The following MEIS2 variants were observed in gnomAD, a reference collection of about 807,000 sequenced individuals.
The protein encoded by MEIS2 is homeobox protein Meis2.
Under a neutral mutation model 58.6 loss-of-function variants are expected in MEIS2, and 9 were observed. That is an observed-to-expected ratio of 0.15 (90% CI 0.09 to 0.27). The LOEUF (loss-of-function observed/expected upper bound fraction) is 0.27, where lower values mean the gene tolerates loss of function less well. Ranked by LOEUF, MEIS2 falls within the 10% of genes least tolerant of loss-of-function variation. MEIS2 has a pLI of 1.00. For synonymous variants in MEIS2, 221 were observed against 228.4 expected, an observed-to-expected ratio of 0.97 and a Z score of 0.29; for missense variants, 427 against 635.0, an observed-to-expected ratio of 0.67 and a Z score of 3.52.
intron 7 of MEIS2, among the ~76,000 whole-genome samples, chr15:37,083,067 A>G (rs1892442808): frequency 6.6e-6 from 1 of 152,186 alleles, no homozygotes; most frequent in African/African-American, 2.4e-5. Flanking sequence ...TTAGCCATAG[A>G]TGAGTCATTC....
At chr15:37,095,331 G>A (rs1178160147) in intron 4 of MEIS2, among the ~76,000 whole-genome samples, 1 of 152,152 alleles carries the variant, frequency 6.6e-6, no homozygotes, top group African/African-American at 2.4e-5. Context: ...TCGCGCTCTC[G>A]GCGCTCGGTC....
intron 9 of MEIS2, among the ~76,000 whole-genome samples, chr15:36,944,950 A>G (rs2058509484): frequency 6.6e-6 from 1 of 152,114 alleles, no homozygotes; most frequent in Non-Finnish European, 1.5e-5. Flanking sequence ...CCACTGGCCA[A>G]TTATTCCATA....
chr15:36,940,573 A>G (rs2058339378), intron 9 of MEIS2, among the ~76,000 whole-genome samples: 1 of 152,158 alleles, frequency 6.6e-6, no homozygotes, highest in Admixed American at 6.5e-5. Context: ...GAGTGGAACA[A>G]TGACTTCTGG....
At chr15:36,991,774 T>C (rs923009025) in intron 8 of MEIS2, among the ~76,000 whole-genome samples, 11 of 108,234 alleles carry the variant, frequency 1.0e-4, no homozygotes, top group African/African-American at 3.8e-4. Context: ...TAATTTTCTT[T>C]TTTTTTTTCT....
intron 7 of MEIS2, among the ~76,000 whole-genome samples, chr15:37,057,569 A>G (rs1596033355): frequency 6.6e-6 from 1 of 152,170 alleles, no homozygotes; most frequent in Non-Finnish European, 1.5e-5. Flanking sequence ...CCTGAGCAGT[A>G]AAGGGCTCAA....
chr15:37,078,410 T>C (rs979967310), intron 7 of MEIS2, among the ~76,000 whole-genome samples: 1 of 149,318 alleles, frequency 6.7e-6, no homozygotes, highest in African/African-American at 2.5e-5. Flanking sequence ...AATTACCAGA[T>C]GTGAAAGACA....
chr15:36,970,383 G>A (rs561806625), intron 8 of MEIS2, among the ~76,000 whole-genome samples: 6 of 147,500 alleles, frequency 4.1e-5, no homozygotes, highest in African/African-American at 7.6e-5. Flanking sequence ...CAGCCTGGGC[G>A]ACAGAGCAAG....
At chr15:36,951,656 T>C (rs1296416217) in intron 8 of MEIS2, among the ~76,000 whole-genome samples, 1 of 152,188 alleles carries the variant, frequency 6.6e-6, no homozygotes, top group Non-Finnish European at 1.5e-5. Context: ...ACTAGATTTG[T>C]ATTAATATAG....
At chr15:36,919,042 T>C (rs2057391340) in intron 9 of MEIS2, among the ~76,000 whole-genome samples, 1 of 151,998 alleles carries the variant, frequency 6.6e-6, no homozygotes, top group Non-Finnish European at 1.5e-5. Flanking sequence ...GGAGGATTGC[T>C]TGAGTTTAGG....
intron 1 of MEIS2, chr15:37,098,768 A>G: frequency 2.2e-6 from 1 of 453,332 alleles, no homozygotes; most frequent in Non-Finnish European, 2.9e-6. Flanking sequence ...TCAAAAGGCG[A>G]AATGAAACAA....
At chr15:37,020,674 CTTT>C (rs556555396) in intron 8 of MEIS2, among the ~76,000 whole-genome samples, 1 of 138,720 alleles carries the variant, frequency 7.2e-6, no homozygotes, top group Non-Finnish European at 1.6e-5. Context: ...GCATTCTGGT[CTTT>C]TTTTTTTTTT....
At chr15:36,994,261 C>A (rs960739964) in intron 8 of MEIS2, among the ~76,000 whole-genome samples, 3 of 152,096 alleles carry the variant, frequency 2.0e-5, no homozygotes, top group African/African-American at 7.2e-5. Flanking sequence ...CTTCTACCCC[C>A]ATGATGAAAT....
At chr15:37,045,706 C>A (rs991535342) in intron 7 of MEIS2, among the ~76,000 whole-genome samples, 2 of 152,156 alleles carry the variant, frequency 1.3e-5, no homozygotes, top group Non-Finnish European at 2.9e-5. Context: ...CTTTTACTCT[C>A]CTGCTGTGCT....
intron 8 of MEIS2, among the ~76,000 whole-genome samples, chr15:37,034,185 G>A (rs984818043): frequency 6.6e-6 from 1 of 152,174 alleles, no homozygotes; most frequent in Non-Finnish European, 1.5e-5. Context: ...CTGACTAAAT[G>A]TCCTTGAGCA....
At chr15:36,968,589 C>A (rs2059430878) in intron 8 of MEIS2, among the ~76,000 whole-genome samples, 1 of 152,154 alleles carries the variant, frequency 6.6e-6, no homozygotes, top group Non-Finnish European at 1.5e-5. Context: ...CCCCTTGACA[C>A]TAAAAGTCTT....
At chr15:36,960,106 C>G (rs186682100) in intron 8 of MEIS2, among the ~76,000 whole-genome samples, 111 of 152,240 alleles carry the variant, frequency 7.3e-4, no homozygotes, top group African/African-American at 2.4e-3. Context: ...TCAGTATGTC[C>G]TGTTCAATTT....
chr15:37,015,485 A>AACAC (rs74278193), intron 8 of MEIS2, among the ~76,000 whole-genome samples: 60,032 of 151,020 alleles, frequency 0.4, 12,147 homozygotes, highest in Non-Finnish European at 0.43. Context: ...CACACACACA[A>AACAC]ACACACTTCT....
In MEIS2 at chr15:37,100,510, A is replaced by G. The variant is rs1894973460; in HGVS notation, c.-1044T>C. ...CCGGGAGTGGGGAGCGGGAGCGAGG[A>G]GGAGCGCGCCGCGCCGAGCCTCTGA... On this transcript the variant is annotated 5_prime_UTR_variant, in exon 1 of 12. Transcript: ENST00000561208. The G allele has an allele frequency of 7.1e-6, 1 of 140,998 alleles. No homozygotes were observed. Among genetic ancestry groups the G allele is most frequent in the Non-Finnish European group, 1.5e-5 (1 of 66,084 alleles). The allele number at this position is 140,998 out of a possible 1,614,324, so 8.7% of individuals were successfully genotyped here.
intron 9 of MEIS2, among the ~76,000 whole-genome samples, chr15:36,906,525 T>A (rs935438433): frequency 3.0e-4 from 45 of 151,982 alleles, no homozygotes; most frequent in South Asian, 8.3e-4. Context: ...GTATAGTTGA[T>A]GAAAATTGGA....
Sources: allele counts gnomAD v4.1 joint callset (sites outside exome capture counted in the v4.1 genomes callset), GRCh38; gene constraint gnomAD v4.1.1; transcripts MANE v1.5; gene names NCBI Gene and HGNC (gene_info 2026-07-23, HGNC 2026-07-21).